The following XKR4 variants were observed in gnomAD, a reference collection of about 807,000 sequenced individuals.
XKR4 encodes the protein XK-related protein 4.
In XKR4, 12 loss-of-function variants were observed where a neutral mutation model predicts 53.9. The observed-to-expected ratio is 0.22, with a 90% confidence interval of 0.14 to 0.36. The LOEUF (loss-of-function observed/expected upper bound fraction) is 0.36, where lower values mean the gene tolerates loss of function less well. XKR4 is among the 10% of genes least tolerant of loss of function. The pLI is 1.00. For synonymous variants in XKR4, 354 were observed against 362.4 expected, an observed-to-expected ratio of 0.98 and a Z score of 0.26; for missense variants, 799 against 859.5, an observed-to-expected ratio of 0.93 and a Z score of 0.88.
At chr8:55,341,412 A>G (rs897510974) in intron 1 of XKR4, among the ~76,000 whole-genome samples, 8 of 152,158 alleles carry the variant, frequency 5.3e-5, no homozygotes, top group Non-Finnish European at 1.2e-4. Flanking sequence ...CATGAGGTCT[A>G]CAACAAAACC....
intron 2 of XKR4, chr8:55,450,517 A>T (rs1390778401): frequency 1.5e-6 from 1 of 650,344 alleles, no homozygotes; most frequent in Non-Finnish European, 2.9e-6. Context: ...GCTCATAGTC[A>T]GAGTCCAGTA....
At chr8:55,451,210 C>A in intron 2 of XKR4, 1 of 561,792 alleles carries the variant, frequency 1.8e-6, no homozygotes. Flanking sequence ...TCTCTGCCAG[C>A]TAGCTGGGAG....
intron 2 of XKR4, among the ~76,000 whole-genome samples, chr8:55,486,041 A>G (rs957918663): frequency 6.6e-6 from 1 of 152,230 alleles, no homozygotes; most frequent in Non-Finnish European, 1.5e-5. Context: ...AGTAAAATAG[A>G]TACATATAAA....
chr8:55,178,644 C>T, intron 1 of XKR4, among the ~76,000 whole-genome samples: 1 of 152,074 alleles, frequency 6.6e-6, no homozygotes, highest in East Asian at 1.9e-4. Context: ...AGAACTAGAC[C>T]CCATGGTTTC....
intron 1 of XKR4, chr8:55,161,533 G>A (rs1018226463): frequency 5.3e-5 from 24 of 456,008 alleles, no homozygotes; most frequent in African/African-American, 2.8e-4. Context: ...GATGAGCAGC[G>A]CTCAAAACCT....
chr8:55,461,557 A>G (rs1206549990), intron 2 of XKR4, among the ~76,000 whole-genome samples: 1 of 152,228 alleles, frequency 6.6e-6, no homozygotes, highest in Non-Finnish European at 1.5e-5. Context: ...AAACTCTAAA[A>G]ATCAGAGTGC....
rs1284736444 is a variant in XKR4, at chr8:55,537,702, T to TC, written c.*13477dup. On this transcript the variant is annotated 3_prime_UTR_variant, in exon 3 of 3. Coordinates refer to ENST00000327381, the MANE Select transcript of XKR4 (RefSeq NM_052898.2). The stretch of plus-strand genomic sequence containing the variant: ...GCAATAAAGTTACTTGTTGGGTCCT[T>TC]CCTTCCCTTACAAACAGAATGTTTT... The TC allele has an allele frequency of 3.3e-5, 5 of 152,204 alleles. No individual in the cohort carries two copies. Among genetic ancestry groups the TC allele is most frequent in the Non-Finnish European group, 5.9e-5 (4 of 68,040 alleles). The allele number at this position is 152,204 out of a possible 1,614,324, so 9.4% of individuals were successfully genotyped here. A position where few individuals can be genotyped will look rare whatever the true frequency, so the allele number is the denominator to read the frequency against.
chr8:55,115,312 G>T (rs960820550), intron 1 of XKR4, among the ~76,000 whole-genome samples: 2 of 152,104 alleles, frequency 1.3e-5, no homozygotes, highest in Admixed American at 6.6e-5. Flanking sequence ...CACCTAGTAT[G>T]AGCTAGGTTA....
intron 2 of XKR4, among the ~76,000 whole-genome samples, chr8:55,425,142 C>CTT (rs1804993907): frequency 6.6e-6 from 1 of 152,142 alleles, no homozygotes; most frequent in Non-Finnish European, 1.5e-5. Context: ...ATAATAGAGT[C>CTT]ACATATGGTC....
At chr8:55,230,627 C>G (rs749489400) in intron 1 of XKR4, among the ~76,000 whole-genome samples, 58 of 152,162 alleles carry the variant, frequency 3.8e-4, no homozygotes, top group Non-Finnish European at 7.2e-4. Context: ...CTCGGCCTCC[C>G]AAAGTGCTGG....
chr8:55,324,810 C>T (rs1803270106), intron 1 of XKR4, among the ~76,000 whole-genome samples: 2 of 152,206 alleles, frequency 1.3e-5, no homozygotes, highest in Admixed American at 1.3e-4. Flanking sequence ...AGGTTTCAAA[C>T]TCAGCAAACT....
At position 55,525,613 on chromosome 8, in the gene XKR4, G is replaced by A. The variant is rs1157571267; in HGVS notation, c.*1386G>A. 1 of 152,600 alleles carries A rather than the reference G, an allele frequency of 6.6e-6. No homozygotes were observed. Among genetic ancestry groups the A allele is most frequent in the Non-Finnish European group, 1.5e-5 (1 of 68,030 alleles). 9.5% of individuals were successfully genotyped at this position (152,600 alleles called of 1,614,324 possible). Reference sequence around the variant, plus strand: ...AGCAAGTAAACGTTCCCCGCTTTCTGTTCTCAGTGTCCTCGGTCATGGTGC... The same window carrying A: ...AGCAAGTAAACGTTCCCCGCTTTCTATTCTCAGTGTCCTCGGTCATGGTGC... On this transcript the variant is annotated 3_prime_UTR_variant, in exon 3 of 3. Coordinates refer to ENST00000327381, the MANE Select transcript of XKR4 (RefSeq NM_052898.2).
chr8:55,184,152 A>G (rs1040517158), intron 1 of XKR4, among the ~76,000 whole-genome samples: 1 of 152,112 alleles, frequency 6.6e-6, no homozygotes, highest in Non-Finnish European at 1.5e-5. Context: ...TCTTCTTAAC[A>G]GCTTACATGG....
chr8:55,333,972 A>G (rs748293894), intron 1 of XKR4, among the ~76,000 whole-genome samples: 17 of 152,320 alleles, frequency 1.1e-4, no homozygotes, highest in Admixed American at 6.5e-4. Flanking sequence ...CAGTGCTCCT[A>G]TAAAATTATT....
chr8:55,235,785 T>C (rs1818112370), intron 1 of XKR4, among the ~76,000 whole-genome samples: 1 of 152,250 alleles, frequency 6.6e-6, no homozygotes, highest in East Asian at 1.9e-4. Context: ...TCCTGGGTGA[T>C]AGAGGACAGA....
chr8:55,226,890 T>C (rs1817960539), intron 1 of XKR4, among the ~76,000 whole-genome samples: 1 of 152,206 alleles, frequency 6.6e-6, no homozygotes, highest in Non-Finnish European at 1.5e-5. Flanking sequence ...TCCATCACTG[T>C]TGAGATGAAA....
At chr8:55,483,156 G>A (rs899597019) in intron 2 of XKR4, among the ~76,000 whole-genome samples, 2 of 152,030 alleles carry the variant, frequency 1.3e-5, no homozygotes, top group Non-Finnish European at 2.9e-5. Context: ...TTAGGAACCC[G>A]GATTCCAGAC....
At chr8:55,203,950 G>A (rs1302379770) in intron 1 of XKR4, among the ~76,000 whole-genome samples, 1 of 152,142 alleles carries the variant, frequency 6.6e-6, no homozygotes, top group Non-Finnish European at 1.5e-5. Flanking sequence ...TTGATTCACT[G>A]GAAGAGATGT....
At chr8:55,306,218 G>A (rs568586183) in intron 1 of XKR4, among the ~76,000 whole-genome samples, 1 of 152,288 alleles carries the variant, frequency 6.6e-6, no homozygotes, top group South Asian at 2.1e-4. Flanking sequence ...TGGGTGGTAG[G>A]CTGTTTTCAT....
Sources: gnomAD v4.1 joint callset for allele counts (sites outside exome capture counted in the v4.1 genomes callset) on GRCh38, gnomAD v4.1.1 for gene constraint, MANE v1.5 for transcripts, NCBI Gene and HGNC (gene_info 2026-07-23, HGNC 2026-07-21) for gene names.